The following GCSAML variants were observed in gnomAD, a reference collection of about 807,000 sequenced individuals.
The protein encoded by GCSAML is germinal center associated signaling and motility like, also known as germinal center-associated signaling and motility-like protein.
In GCSAML, 9 loss-of-function variants were observed where a neutral mutation model predicts 13.0. That is an observed-to-expected ratio of 0.69 (90% CI 0.42 to 1.21). The LOEUF is 1.21. Among genes scored for constraint, GCSAML ranks in the 50% most tolerant of loss-of-function variants. The pLI, the probability that GCSAML is intolerant of heterozygous loss-of-function variation, is 0.00. For missense variants in GCSAML, 143 were observed against 153.4 expected, an observed-to-expected ratio of 0.93 and a Z score of 0.36; for synonymous variants, 37 against 52.9, an observed-to-expected ratio of 0.70 and a Z score of 1.31.
chr1:247,535,470 T>C (rs76289439), intron 2 of GCSAML, among the ~76,000 whole-genome samples: 5,205 of 152,264 alleles, frequency 0.034, 283 homozygotes, highest in African/African-American at 0.12. Context: ...GTACTGTATA[T>C]AGAGTCACCG....
Position 247,575,120 on chromosome 1 carries a change from C to G in GCSAML, c.*738C>G, listed in dbSNP as rs781702270. ...GCTCTCTCCTGCTTCAAGATCTTGC[C>G]TCTTTAAGCTGAACCGATGTGCACT... On this transcript the variant is annotated 3_prime_UTR_variant, in exon 5 of 5. Transcript: ENST00000366488. 5.3e-5 allele frequency: 8 copies of G among 152,190 alleles called. No individual in the cohort carries two copies. Among genetic ancestry groups the G allele is most frequent in the Non-Finnish European group, 1.0e-4 (7 of 68,052 alleles). 9.4% of individuals were successfully genotyped at this position (152,190 alleles called of 1,614,324 possible).
chr1:247,536,811 G>T (rs1197412396), intron 2 of GCSAML, among the ~76,000 whole-genome samples: 1 of 152,256 alleles, frequency 6.6e-6, no homozygotes, highest in Middle Eastern at 3.4e-3. Flanking sequence ...GAGGGAGATA[G>T]TCTGAGACAT....
In GCSAML at chr1:247,563,480, G is replaced by C. The variant is rs529224260; in HGVS notation, c.90-110G>C. 1.8e-4 allele frequency: 103 copies of C among 577,500 alleles called. No homozygotes were observed. The African/African-American group carries it at 1.9e-3, about 10-fold the overall frequency. The allele number at this position is 577,500 out of a possible 1,614,324, so 35.8% of individuals were successfully genotyped here. A position where few individuals can be genotyped will look rare whatever the true frequency, so the allele number is the denominator to read the frequency against. On this transcript the variant is annotated intron_variant, in intron 2 of 4. Coordinates refer to ENST00000366488, the MANE Select transcript of GCSAML (RefSeq NM_145278.5). ...TTTAATTGTATTTAATATTTGCATGGAAAATCTAACAATGGCCTTAGGTTA... is the reference window on the plus strand; with the variant it reads ...TTTAATTGTATTTAATATTTGCATGCAAAATCTAACAATGGCCTTAGGTTA...
At chr1:247,569,711 C>A (rs1041267855) in intron 4 of GCSAML, among the ~76,000 whole-genome samples, 1 of 152,146 alleles carries the variant, frequency 6.6e-6, no homozygotes, top group Non-Finnish European at 1.5e-5. Flanking sequence ...CAGGGTGATG[C>A]TGGCCTCATA....
intron 2 of GCSAML, among the ~76,000 whole-genome samples, chr1:247,539,995 C>G (rs1667355613): frequency 1.3e-5 from 2 of 152,130 alleles, no homozygotes; most frequent in African/African-American, 4.8e-5. Context: ...CACAGGCTTC[C>G]TCGCTCCTCA....
chr1:247,555,458 G>T (rs1461280881), intron 1 of GCSAML, among the ~76,000 whole-genome samples: 1 of 152,166 alleles, frequency 6.6e-6, no homozygotes, highest in African/African-American at 2.4e-5. Context: ...CCCCACCTCT[G>T]TAAATTGATA....
At chr1:247,539,542 C>G (rs182509818) in intron 2 of GCSAML, among the ~76,000 whole-genome samples, 7 of 152,146 alleles carry the variant, frequency 4.6e-5, no homozygotes, top group Admixed American at 4.6e-4. Flanking sequence ...TATTGCTTAG[C>G]TACGTGACCT....
chr1:247,508,739 T>C (rs1008810312), intron 1 of GCSAML, among the ~76,000 whole-genome samples: 7 of 152,162 alleles, frequency 4.6e-5, no homozygotes, highest in African/African-American at 1.7e-4. Flanking sequence ...GGCTAGCCAG[T>C]TTTCCCAGCA....
intron 1 of GCSAML, among the ~76,000 whole-genome samples, chr1:247,507,757 CAT>C (rs1411693053): frequency 1.3e-5 from 2 of 152,076 alleles, no homozygotes. Context: ...TGAGTGAAAA[CAT>C]GTGGTGTTTG....
chr1:247,531,953 G>T (rs1175656309), intron 2 of GCSAML: 2 of 1,614,046 alleles, frequency 1.2e-6, no homozygotes, highest in Non-Finnish European at 1.7e-6. Flanking sequence ...CAAGCCAGTT[G>T]CATAATGAGG....
At chr1:247,549,738 C>T (rs191289763) in intron 1 of GCSAML, among the ~76,000 whole-genome samples, 30 of 152,206 alleles carry the variant, frequency 2.0e-4, no homozygotes, top group African/African-American at 5.8e-4. Context: ...ATTATGGATG[C>T]GGGATATGCA....
chr1:247,560,133 G>T (rs1414670642), intron 2 of GCSAML, among the ~76,000 whole-genome samples: 1 of 152,184 alleles, frequency 6.6e-6, no homozygotes, highest in Non-Finnish European at 1.5e-5. Flanking sequence ...TGGACAAGCA[G>T]TAGGTGCTGA....
chr1:247,534,288 G>A (rs867496620), intron 2 of GCSAML, among the ~76,000 whole-genome samples: 1 of 152,160 alleles, frequency 6.6e-6, no homozygotes, highest in African/African-American at 2.4e-5. Flanking sequence ...CCCAGTGTCT[G>A]ATACACAGTA....
chr1:247,558,763 A>T (rs114924454), intron 2 of GCSAML, among the ~76,000 whole-genome samples: 1,848 of 152,288 alleles, frequency 0.012, 37 homozygotes, highest in African/African-American at 0.043. Flanking sequence ...ATAATATTTT[A>T]CCTGTATCCT....
Position 247,574,160 on chromosome 1 carries a change from T to A in GCSAML, c.186T>A (p.Ser62Arg). ...CTTGGCAGGAAAACGAGAATGGCAG[T>A]GGTTCTGAAGAAGTGTGCTACACTG... ...STSNQENENGSGSEEVCYTVI... is the reference protein window; with the variant it reads ...STSNQENENGRGSEEVCYTVI... The change falls in exon 5 of 5, where the codon AGT (serine) becomes AGA (arginine). Residue 62 changes from serine (S) to arginine (R), a missense_variant. Transcript: ENST00000366488. The A allele has an allele frequency of 6.2e-7, 1 of 1,614,022 alleles. No individual in the cohort carries two copies. Among genetic ancestry groups the A allele is most frequent in the Non-Finnish European group, 8.5e-7 (1 of 1,179,950 alleles).
Position 247,574,419 on chromosome 1 carries a change from G to C in GCSAML, c.*37G>C, listed in dbSNP as rs1216507322. The C allele has an allele frequency of 6.2e-6, 10 of 1,608,006 alleles. No individual in the cohort carries two copies. Among genetic ancestry groups the C allele is most frequent in the Non-Finnish European group, 8.5e-6 (10 of 1,176,772 alleles). ...TGCTTTATCACCTTCCAGCAATGAA[G>C]ACAATGCAGAATAGCAGACTCTGGC... On this transcript the variant is annotated 3_prime_UTR_variant, in exon 5 of 5. Coordinates refer to ENST00000366488, the MANE Select transcript of GCSAML (RefSeq NM_145278.5).
intron 2 of GCSAML, among the ~76,000 whole-genome samples, chr1:247,539,060 G>C (rs1432736636): frequency 6.6e-6 from 1 of 152,134 alleles, no homozygotes; most frequent in African/African-American, 2.4e-5. Flanking sequence ...TCACTGAAAT[G>C]ATGAGTTTTG....
chr1:247,519,453 C>G (rs994331139), intron 1 of GCSAML: 2 of 152,158 alleles, frequency 1.3e-5, no homozygotes, highest in Non-Finnish European at 2.9e-5. Context: ...CCTTTTTGTT[C>G]TGAATTTTCC....
At chr1:247,522,344 G>A (rs1666480214) in intron 1 of GCSAML, among the ~76,000 whole-genome samples, 1 of 150,054 alleles carries the variant, frequency 6.7e-6, no homozygotes, top group Non-Finnish European at 1.5e-5. Flanking sequence ...GGTGGGGGAC[G>A]CCTCTGCCCG....
Sources: allele counts gnomAD v4.1 joint callset (sites outside exome capture counted in the v4.1 genomes callset), GRCh38; gene constraint gnomAD v4.1.1; transcripts MANE v1.5; gene names NCBI Gene and HGNC (gene_info 2026-07-23, HGNC 2026-07-21).